Variants in KRT8 observed in about 807,000 individuals in gnomAD.
KRT8 encodes keratin, type II cytoskeletal 8.
KRT8 carries 24 observed loss-of-function variants against 43.0 expected under a neutral mutation model. The ratio of observed to expected loss-of-function variants is 0.56; its 90% CI spans 0.40 to 0.78. KRT8 has a LOEUF of 0.78. Ranked by LOEUF, KRT8 falls within the 30% of genes least tolerant of loss-of-function variation. The probability of loss-of-function intolerance (pLI) is 0.00; values close to 1 mark genes in which losing one functional copy is unlikely to be tolerated. For missense variants in KRT8, 492 were observed against 638.4 expected, an observed-to-expected ratio of 0.77 and a Z score of 2.47; for synonymous variants, 214 against 261.2, an observed-to-expected ratio of 0.82 and a Z score of 1.74.
At chr12:52,938,170 A>ATATATATATATATTTTTTTT (rs1555189967) in intron 2 of KRT8, among the ~76,000 whole-genome samples, 1 of 30,310 alleles carries the variant, frequency 3.3e-5, no homozygotes, top group Non-Finnish European at 5.9e-5. Flanking sequence ...ATATATATAT[A>ATATATATATATATTTTTTTT]TTTTTTTTTT....
chr12:52,926,156 C>T (rs1366645354), intron 2 of KRT8, among the ~76,000 whole-genome samples: 3 of 150,848 alleles, frequency 2.0e-5, no homozygotes, highest in Non-Finnish European at 3.0e-5. Context: ...CCCCCGCCCC[C>T]CACCACCTCT....
chr12:52,906,383 G>A (rs1258338445), upstream of KRT8: 3 of 265,046 alleles, frequency 1.1e-5, no homozygotes, highest in Admixed American at 9.5e-5. Flanking sequence ...GTGGAGTGGT[G>A]TGGCACTCGT....
chr12:52,899,255 C>T (rs559553304), intron 5 of KRT8, among the ~76,000 whole-genome samples: 1 of 152,244 alleles, frequency 6.6e-6, no homozygotes, highest in East Asian at 1.9e-4. Flanking sequence ...GCGGAGCTTG[C>T]AGTGAGCCGA....
exon 3 of KRT8, chr12:52,901,163 T>C (rs1317185145): frequency 1.9e-6 from 3 of 1,606,452 alleles, no homozygotes; most frequent in Non-Finnish European, 2.6e-6. Context: ...CCTCACCTTC[T>C]TGATGAGGAC....
intron 2 of KRT8, among the ~76,000 whole-genome samples, chr12:52,941,503 T>TGG (rs1463352401): frequency 7.5e-6 from 1 of 133,244 alleles, no homozygotes; most frequent in African/African-American, 2.9e-5. Flanking sequence ...TTTTTTTTTT[T>TGG]TTGAGACAGT....
chr12:52,929,064 A>G (rs981431345), intron 2 of KRT8, among the ~76,000 whole-genome samples: 2 of 152,230 alleles, frequency 1.3e-5, no homozygotes, highest in Admixed American at 1.3e-4. Flanking sequence ...GCCACCATCC[A>G]TGGAAATGGC....
chr12:52,924,048 T>C, intron 2 of KRT8, among the ~76,000 whole-genome samples: 1 of 151,920 alleles, frequency 6.6e-6, no homozygotes, highest in East Asian at 2.0e-4. Context: ...GGTTTTACCA[T>C]GTTGGCCAGG....
At chr12:52,918,440 C>T (rs2120650235) in intron 2 of KRT8, among the ~76,000 whole-genome samples, 1 of 152,252 alleles carries the variant, frequency 6.6e-6, no homozygotes, top group East Asian at 1.9e-4. Context: ...TGGAAAAGTG[C>T]CTACATTCAC....
chr12:52,918,224 A>AAGAAGAAGAAGG (rs1941812097), intron 2 of KRT8, among the ~76,000 whole-genome samples: 1 of 138,264 alleles, frequency 7.2e-6, no homozygotes, highest in Non-Finnish European at 1.7e-5. Flanking sequence ...GAAGAAGAAG[A>AAGAAGAAGAAGG]AGAAGAAGAA....
intron 2 of KRT8, chr12:52,949,204 A>G (rs748718547): frequency 1.9e-6 from 3 of 1,611,744 alleles, no homozygotes; most frequent in East Asian, 2.2e-5. Context: ...CACCTTCTCC[A>G]CCAACTACCG....
intron 6 of KRT8, 24 bp from the exon 7 acceptor site, chr12:52,898,543 C>G: frequency 6.2e-7 from 1 of 1,613,954 alleles, no homozygotes; most frequent in Non-Finnish European, 8.5e-7. Context: ...AATGGGGTGT[C>G]AGGACCAACT....
chr12:52,915,213 G>T (rs1004786280), intron 2 of KRT8, among the ~76,000 whole-genome samples: 2 of 151,556 alleles, frequency 1.3e-5, no homozygotes, highest in African/African-American at 4.9e-5. Context: ...CTCTACTAAA[G>T]ATACAAAAAA....
chr12:52,909,305 C>T (rs1354890672), upstream of KRT8, among the ~76,000 whole-genome samples: 3 of 152,222 alleles, frequency 2.0e-5, no homozygotes, highest in Non-Finnish European at 4.4e-5. Context: ...GCCCGAAAAG[C>T]ACCCGAAATC....
rs147945345 is a variant in KRT8 at position 52,949,529 on chromosome 12, A to G, written c.-120T>C. The G allele has an allele frequency of 1.1e-4, 179 of 1,613,620 alleles. No individual in the cohort carries two copies. Among genetic ancestry groups the G allele is most frequent in the Non-Finnish European group, 1.5e-4 (174 of 1,180,042 alleles). On this transcript the variant is annotated 5_prime_UTR_variant, in exon 2 of 7. Coordinates refer to the KRT8 transcript ENST00000546826. ...AAAATCCGGGAGCACTTGGAGAAGA[A>G]GGGACCCCAGGTCAGAGACTGGAGC... is the stretch of plus-strand genomic sequence containing the variant.
At chr12:52,939,078 C>G (rs180804247) in intron 2 of KRT8, among the ~76,000 whole-genome samples, 1 of 151,712 alleles carries the variant, frequency 6.6e-6, no homozygotes, top group East Asian at 1.9e-4. Context: ...GAGCAAGACC[C>G]TGTATCTTAA....
At chr12:52,938,278 C>T (rs141514306) in intron 2 of KRT8, among the ~76,000 whole-genome samples, 1 of 147,708 alleles carries the variant, frequency 6.8e-6, no homozygotes, top group African/African-American at 2.5e-5. Flanking sequence ...AAGTGATTCT[C>T]GTGCCTTGGC....
Position 52,931,470 on chromosome 12 carries a change from G to A in KRT8, c.-47+17986C>T, listed in dbSNP as rs1440902976. On this transcript the variant is annotated intron_variant, in intron 2 of 6. Coordinates refer to the KRT8 transcript ENST00000546826. ...CAATCCCAGAGAGTATTATTCTGCA[G>A]GTCTGGGATGATATTGGGCACCTGC... Among the ~76,000 whole-genome samples the A allele has an allele frequency of 4.6e-5, 7 of 152,224 alleles. 1 individual carries two copies. The highest frequency in any genetic ancestry group is 1.7e-4 in the African/African-American group (7 of 41,540).
In KRT8 at chr12:52,949,359, C is replaced by T. The variant is rs771773665; in HGVS notation, c.-47+97G>A. 70 of 1,610,488 alleles carry T rather than the reference C, an allele frequency of 4.3e-5. 1 individual carries two copies. The highest frequency in any genetic ancestry group is 1.7e-4 in the Admixed American group (10 of 59,926). The stretch of plus-strand genomic sequence containing the variant: ...TCAGGGGCGGCATGGGGTCCGGGGG[C>T]CTGGCCACCGGGATAGCCGGGGGTC... On this transcript the variant is annotated intron_variant, in intron 2 of 6. Coordinates refer to the KRT8 transcript ENST00000546826.
At chr12:52,917,978 A>G (rs1420676896) in intron 2 of KRT8, among the ~76,000 whole-genome samples, 2 of 147,328 alleles carry the variant, frequency 1.4e-5, no homozygotes, top group Admixed American at 6.9e-5. Context: ...AGGAAGAGGA[A>G]GAAGAAGAAG....
Sources: allele counts gnomAD v4.1 joint callset (sites outside exome capture counted in the v4.1 genomes callset), GRCh38; gene constraint gnomAD v4.1.1; transcripts MANE v1.5; gene names NCBI Gene and HGNC (gene_info 2026-07-23, HGNC 2026-07-21).